The following IGSF5 variants were observed in gnomAD, a reference collection of about 807,000 sequenced individuals.
The protein encoded by IGSF5 is immunoglobulin superfamily 5 like.
A neutral mutation model predicts 39.4 loss-of-function variants in IGSF5; 41 were observed. The observed-to-expected ratio is 1.04, with a 90% CI of 0.81 to 1.35. The LOEUF (loss-of-function observed/expected upper bound fraction) is 1.35, where lower values mean the gene tolerates loss of function less well. IGSF5 is among the 40% of genes most tolerant of loss of function. IGSF5 has a pLI of 0.00. For missense variants in IGSF5, 487 were observed against 494.6 expected, an observed-to-expected ratio of 0.98 and a Z score of 0.15; for synonymous variants, 183 against 175.3, an observed-to-expected ratio of 1.04 and a Z score of -0.34.
intron 2 of IGSF5, among the ~76,000 whole-genome samples, chr21:39,750,547 A>C (rs926234585): frequency 4.7e-5 from 7 of 150,412 alleles, no homozygotes; most frequent in African/African-American, 1.7e-4. Context: ...ATGGTGCTGA[A>C]CATCAGGTTC....
chr21:39,782,264 G>A (rs2080174659), intron 5 of IGSF5, among the ~76,000 whole-genome samples: 1 of 152,062 alleles, frequency 6.6e-6, no homozygotes, highest in African/African-American at 2.4e-5. Context: ...GTCTCCTTGG[G>A]TGAGTCTGCC....
chr21:39,734,150 T>C, the IGSF5 span, among the ~76,000 whole-genome samples: 1 of 152,176 alleles, frequency 6.6e-6, no homozygotes, highest in East Asian at 1.9e-4. Context: ...GATGGCTGTG[T>C]GCAGTGGCTC....
chr21:39,769,318 A>T (rs55892213), intron 3 of IGSF5, among the ~76,000 whole-genome samples: 47,432 of 151,910 alleles, frequency 0.31, 8,011 homozygotes, highest in Non-Finnish European at 0.39. Context: ...TCTTAAAAAA[A>T]GTGCTGGGCG....
At chr21:39,758,655 T>G (rs559110600) in intron 2 of IGSF5, among the ~76,000 whole-genome samples, 2 of 152,324 alleles carry the variant, frequency 1.3e-5, no homozygotes, top group East Asian at 3.9e-4. Flanking sequence ...CTCCTGTGTG[T>G]GCAAGGCCTG....
chr21:39,784,970 CT>C (rs59416564), intron 5 of IGSF5, among the ~76,000 whole-genome samples: 3,088 of 138,640 alleles, frequency 0.022, 90 homozygotes, highest in East Asian at 0.13. Context: ...AGGCTCCTTT[CT>C]TTTTTTTTTT....
intron 4 of IGSF5, among the ~76,000 whole-genome samples, chr21:39,778,304 A>G (rs2080151085): frequency 6.6e-6 from 1 of 152,194 alleles, no homozygotes; most frequent in African/African-American, 2.4e-5. Context: ...ATTAACTTAA[A>G]TTTGAATTTG....
chr21:39,720,592 G>A, the IGSF5 span, among the ~76,000 whole-genome samples: 4 of 152,288 alleles, frequency 2.6e-5, no homozygotes, highest in East Asian at 7.7e-4. Flanking sequence ...GAAACAAAAA[G>A]GCCAGAGAAG....
intron 7 of IGSF5, among the ~76,000 whole-genome samples, chr21:39,793,272 T>C (rs2086975955): frequency 6.6e-6 from 1 of 152,242 alleles, no homozygotes; most frequent in Non-Finnish European, 1.5e-5. Context: ...GTTGAAGCTT[T>C]GGATCATTTA....
intron 4 of IGSF5, among the ~76,000 whole-genome samples, chr21:39,777,189 G>T (rs1012716601): frequency 1.3e-5 from 2 of 152,178 alleles, no homozygotes; most frequent in Admixed American, 1.3e-4. Flanking sequence ...AGACTGTGAA[G>T]ATCATGGATC....
intron 4 of IGSF5, among the ~76,000 whole-genome samples, chr21:39,776,770 TAG>T (rs903134387): frequency 6.6e-6 from 1 of 152,218 alleles, no homozygotes; most frequent in Non-Finnish European, 1.5e-5. Flanking sequence ...AAAGTACTGA[TAG>T]AGAGTGTGTG....
intron 3 of IGSF5, among the ~76,000 whole-genome samples, chr21:39,767,537 T>C (rs895214540): frequency 6.6e-6 from 1 of 152,164 alleles, no homozygotes; most frequent in African/African-American, 2.4e-5. Context: ...GTCAAATGAG[T>C]AGGTCTATGT....
chr21:39,720,786 T>G, the IGSF5 span, among the ~76,000 whole-genome samples: 1 of 152,238 alleles, frequency 6.6e-6, no homozygotes, highest in Admixed American at 6.5e-5. Flanking sequence ...TTTACCATAC[T>G]AAGGTAAGAT....
At chr21:39,729,148 G>A in the IGSF5 span, 3 of 152,208 alleles carry the variant, frequency 2.0e-5, no homozygotes, top group Admixed American at 6.5e-5. Context: ...TACATATGGG[G>A]CAGTCCTGCT....
intron 8 of IGSF5, 94 bp from the exon 9 acceptor site, chr21:39,801,168 T>A (rs1693548654): frequency 2.3e-6 from 2 of 870,806 alleles, no homozygotes; most frequent in African/African-American, 3.4e-5. Context: ...TACCTTAATT[T>A]TATCTTAACA....
At chr21:39,769,962 A>C (rs931030056) in intron 3 of IGSF5, among the ~76,000 whole-genome samples, 11 of 152,222 alleles carry the variant, frequency 7.2e-5, no homozygotes, top group Admixed American at 5.9e-4. Flanking sequence ...TGGTCAAACT[A>C]TCTCATTCAG....
chr21:39,720,906 CA>C, the IGSF5 span, among the ~76,000 whole-genome samples: 1 of 152,172 alleles, frequency 6.6e-6, no homozygotes, highest in East Asian at 1.9e-4. Context: ...TTAACAACAA[CA>C]AAAAATCAGA....
At chr21:39,727,489 A>G in the IGSF5 span, among the ~76,000 whole-genome samples, 71 of 152,350 alleles carry the variant, frequency 4.7e-4, no homozygotes, top group Admixed American at 4.2e-3. Flanking sequence ...CTGGGCAGCC[A>G]TCAGAGCCTG....
the IGSF5 span, among the ~76,000 whole-genome samples, chr21:39,738,793 T>C: frequency 6.6e-6 from 1 of 151,998 alleles, no homozygotes; most frequent in Non-Finnish European, 1.5e-5. The surrounding 1 kb of genome is among the most constrained non-coding windows in gnomAD (Gnocchi z 6.4). Context: ...TCTCTGGTGA[T>C]AGAGGTCGTT....
Position 39,765,292 on chromosome 21 carries a change from A to G in IGSF5, c.101-243A>G, listed in dbSNP as rs77746525. On this transcript the variant is annotated intron_variant, in intron 2 of 8. Coordinates refer to ENST00000380588, the MANE Select transcript of IGSF5 (RefSeq NM_001080444.2). ...CCGGTGGACATGTGTTTTGAGGAAT[A>G]CTATTCAACCCAATACAGCTGTAGA... is the stretch of plus-strand genomic sequence containing the variant. 5.3e-3 allele frequency among the ~76,000 whole-genome samples: 802 copies of G among 152,288 alleles called. 9 individuals are homozygous for G. Among genetic ancestry groups the G allele is most frequent in the African/African-American group, 0.018 (765 of 41,554 alleles).
Sources: gnomAD v4.1 joint callset for allele counts (sites outside exome capture counted in the v4.1 genomes callset) on GRCh38, gnomAD v4.1.1 for gene constraint, Gnocchi (gnomAD v3.1) non-coding constraint, MANE v1.5 for transcripts, NCBI Gene and HGNC (gene_info 2026-07-23, HGNC 2026-07-21) for gene names.